MOV10L1: variants seen among roughly 807,000 people sequenced by gnomAD.
The protein encoded by MOV10L1 is Mov10 like RNA helicase 1, also known as RNA helicase Mov10l1.
MOV10L1 carries 110 observed loss-of-function variants against 143.8 expected under a neutral mutation model. The ratio of observed to expected loss-of-function variants is 0.76; its 90% CI spans 0.66 to 0.90. The LOEUF (loss-of-function observed/expected upper bound fraction) is 0.90. Among genes scored for constraint, MOV10L1 ranks in the 40% least tolerant of loss-of-function variants. The pLI is 0.00. For missense variants in MOV10L1, 1,406 were observed against 1,526.8 expected (o/e 0.92, Z 1.32); for synonymous variants, 593 against 581.1 (o/e 1.02, Z -0.29).
rs868463357 is a variant in MOV10L1, at chr22:50,108,382, T to G, written c.555+134T>G. Reference sequence around the variant, plus strand: ...AAGCTTTGTCATGGCCAAAGAGGAGTGTGTTTTCCTATTGACAATGCTGTG... The same window carrying G: ...AAGCTTTGTCATGGCCAAAGAGGAGGGTGTTTTCCTATTGACAATGCTGTG... On this transcript the variant is annotated intron_variant, in intron 4 of 26. Coordinates refer to ENST00000262794, the MANE Select transcript of MOV10L1 (RefSeq NM_018995.3). The G allele has an allele frequency of 4.9e-5, 43 of 872,608 alleles. No homozygotes were observed. The Middle Eastern group carries it at 4.4e-3, about 90-fold the overall frequency. 54.1% of individuals were successfully genotyped at this position (872,608 alleles called of 1,614,324 possible).
At chr22:50,097,775 C>G (rs1056048844) in intron 2 of MOV10L1, among the ~76,000 whole-genome samples, 14 of 152,076 alleles carry the variant, frequency 9.2e-5, no homozygotes, top group African/African-American at 3.1e-4. Flanking sequence ...ATGAGTTTTT[C>G]TATTTATATA....
chr22:50,113,290 T>C (rs1351505521), intron 5 of MOV10L1, among the ~76,000 whole-genome samples: 1 of 152,090 alleles, frequency 6.6e-6, no homozygotes, highest in Non-Finnish European at 1.5e-5. Flanking sequence ...GGCCCATGCT[T>C]CCCCCACCAC....
At position 50,161,006 on chromosome 22, in the gene MOV10L1, G is replaced by A. The variant is rs565433577; in HGVS notation, c.3505G>A (p.Gly1169Ser). ...TTTGCTGGAATACAGTATTACAAACGGTGTTTACATGGGATGCGATTTACC... is the reference window on the plus strand; with the variant it reads ...TTTGCTGGAATACAGTATTACAAACAGTGTTTACATGGGATGCGATTTACC... Reference protein sequence around the residue: ...GALLEYSITNGVYMGCDLPPA... With the variant: ...GALLEYSITNSVYMGCDLPPA... Residue 1169 changes from glycine (G) to serine (S), a missense_variant, in exon 26 of 27, where the codon GGT becomes AGT. Physicochemically the swap from Gly to Ser is moderately conservative, Grantham distance 56. Transcript: ENST00000262794. 8 of 1,614,120 alleles carry A rather than the reference G, an allele frequency of 5.0e-6. No individual in the cohort carries two copies. The highest frequency in any genetic ancestry group is 4.0e-5 in the African/African-American group (3 of 75,010).
intron 13 of MOV10L1, among the ~76,000 whole-genome samples, chr22:50,130,455 C>G (rs557681178): frequency 1.3e-5 from 2 of 152,128 alleles, no homozygotes; most frequent in South Asian, 2.1e-4. Flanking sequence ...AATGAATGGA[C>G]TACGGGGGAA....
rs1331529575 is a variant in MOV10L1 at position 50,113,707 on chromosome 22, A to G, written c.803A>G (p.Lys268Arg). Residue 268 changes from lysine (K) to arginine (R), a missense_variant, in exon 6 of 27, where the codon AAA becomes AGA. Transcript: ENST00000262794. The stretch of plus-strand genomic sequence containing the variant: ...TATGGAACGATTTTGCTGAAGAACA[A>G]AGGTGATATTGAAGTTACACAGGTG... The part of the protein sequence containing the change: ...HFYGTILLKN[K>R]GDIEVTQVTH... 1 of 1,613,978 alleles carries G rather than the reference A, an allele frequency of 6.2e-7. No homozygotes were observed. Among genetic ancestry groups the G allele is most frequent in the Non-Finnish European group, 8.5e-7 (1 of 1,180,020 alleles).
chr22:50,090,205 T>C lies in MOV10L1; in HGVS notation c.97+20T>C. Reference sequence around the variant, plus strand: ...CGGAAGGTGGCTCGCGGGAGGCGGCTGGGAGGCGGGTCCCGGGCCCTCGCG... The same window carrying C: ...CGGAAGGTGGCTCGCGGGAGGCGGCCGGGAGGCGGGTCCCGGGCCCTCGCG... On this transcript the variant is annotated intron_variant, in intron 1 of 26. Coordinates refer to ENST00000262794, the MANE Select transcript of MOV10L1 (RefSeq NM_018995.3). 7.1e-7 allele frequency: 1 copy of C among 1,412,828 alleles called. No individual in the cohort carries two copies. The highest frequency in any genetic ancestry group is 1.6e-5 in the South Asian group (1 of 63,048). The allele number at this position is 1,412,828 out of a possible 1,614,324, so 87.5% of individuals were successfully genotyped here.
At position 50,113,676 on chromosome 22, in the gene MOV10L1, CATTTCTATGGAACGATTTTGCTGA is replaced by C. The variant is rs1363757210; in HGVS notation, c.774_797del (p.His258_Lys266delinsGln). ...CGCCGCCCCTGTTCATGAGGCCACTCATTTCTATGGAACGATTTTGCTGAAGAACAAAGGTGATATTGAAGTTAC... is the reference window on the plus strand; with the variant it reads ...CGCCGCCCCTGTTCATGAGGCCACTCAGAACAAAGGTGATATTGAAGTTAC... On this transcript the variant is annotated inframe_deletion, in exon 6 of 27. Coordinates refer to ENST00000262794, the MANE Select transcript of MOV10L1 (RefSeq NM_018995.3). The C allele has an allele frequency of 1.2e-5, 19 of 1,613,854 alleles. No homozygotes were observed. The highest frequency in any genetic ancestry group is 1.5e-5 in the Non-Finnish European group (18 of 1,179,994).
rs913606477 is a variant in MOV10L1, at chr22:50,152,196, A to G, written c.2893-849A>G. Among the ~76,000 whole-genome samples, 3 of 152,212 alleles carry G rather than the reference A, an allele frequency of 2.0e-5. No homozygotes were observed. The highest frequency in any genetic ancestry group is 6.5e-5 in the Admixed American group (1 of 15,284). ...AACAGGGGCTTTGTTAACTCATCCCAAGGAGGGAGAGCCCTAGGCTTGTTC... is the reference window on the plus strand; with the variant it reads ...AACAGGGGCTTTGTTAACTCATCCCGAGGAGGGAGAGCCCTAGGCTTGTTC... On this transcript the variant is annotated intron_variant, in intron 21 of 26. Transcript: ENST00000262794. This position sits in a 1 kb window ranked among gnomAD's most constrained non-coding sequence, Gnocchi z 4.4.
At position 50,117,256 on chromosome 22, in the gene MOV10L1, A is replaced by G. The variant is rs374401547; in HGVS notation, c.1359A>G (p.Leu453=). ...ATGTTATCAGTGGGGAGGAGTCACT[A>G]ATTGCTGCGCGCGAACCATTTTCTT... ...EVNVISGEES[L]IAAREPFSWK... Residue 453 remains leucine (L), a synonymous_variant, in exon 9 of 27, where the codon CTA becomes CTG. Coordinates refer to ENST00000262794, the MANE Select transcript of MOV10L1 (RefSeq NM_018995.3). 4.3e-6 allele frequency: 7 copies of G among 1,614,058 alleles called. No individual in the cohort carries two copies. The highest frequency in any genetic ancestry group is 5.9e-6 in the Non-Finnish European group (7 of 1,180,038).
intron 1 of MOV10L1, 175 bp downstream of exon 1, chr22:50,090,360 A>C: frequency 6.6e-7 from 1 of 1,523,562 alleles, no homozygotes; most frequent in Non-Finnish European, 8.8e-7. Context: ...TTCCGACCCC[A>C]CAGCATCCCG....
intron 9 of MOV10L1, among the ~76,000 whole-genome samples, chr22:50,119,803 C>T (rs960017503): frequency 6.6e-6 from 1 of 151,722 alleles, no homozygotes; most frequent in African/African-American, 2.4e-5. Flanking sequence ...GTGGGCTTCT[C>T]TCTTGGGTGA....
chr22:50,136,821 G>C (rs1329714383), intron 15 of MOV10L1, among the ~76,000 whole-genome samples: 1 of 152,188 alleles, frequency 6.6e-6, no homozygotes, highest in African/African-American at 2.4e-5. Flanking sequence ...GCCTGGAAAA[G>C]AACCAGCTGG....
intron 3 of MOV10L1, among the ~76,000 whole-genome samples, chr22:50,107,058 T>C (rs191149259): frequency 6.6e-6 from 1 of 151,102 alleles, no homozygotes; most frequent in Non-Finnish European, 1.5e-5. Context: ...TAGCATATTT[T>C]AGTGTCTTCT....
intron 10 of MOV10L1, among the ~76,000 whole-genome samples, chr22:50,124,155 C>A (rs2062429609): frequency 6.6e-6 from 1 of 151,388 alleles, no homozygotes; most frequent in Admixed American, 6.6e-5. Context: ...TCTTTATTTC[C>A]TTCCTTCTGC....
intron 24 of MOV10L1, 96 bp from the exon 25 acceptor site, chr22:50,160,592 T>C (rs2063533238): frequency 7.0e-7 from 1 of 1,437,240 alleles, no homozygotes; most frequent in Non-Finnish European, 9.4e-7. Flanking sequence ...CATTCTGCTA[T>C]TTAACATTTT....
chr22:50,134,551 T>C lies in MOV10L1; in HGVS notation c.1991T>C (p.Ile664Thr). The C allele has an allele frequency of 6.2e-7, 1 of 1,614,158 alleles. No individual in the cohort carries two copies. Among genetic ancestry groups the C allele is most frequent in the South Asian group, 1.1e-5 (1 of 91,088 alleles). The change falls in exon 15 of 27, where the codon ATT (isoleucine) becomes ACT (threonine). Residue 664 changes from isoleucine (I) to threonine (T), a missense_variant. Coordinates refer to ENST00000262794, the MANE Select transcript of MOV10L1 (RefSeq NM_018995.3). ...AAAGTGTTGTTTCCAGAAGAAATTA[T>C]TTTACAGTCTCCACAAGTGACGGGA... ...GVKVLFPEEI[I>T]LQSPQVTGNW...
chr22:50,096,034 A>T (rs909638416), intron 2 of MOV10L1: 1 of 152,144 alleles, frequency 6.6e-6, no homozygotes, highest in Non-Finnish European at 1.5e-5. Flanking sequence ...TTTTATTTAG[A>T]TATTTTTCTT....
At chr22:50,102,308 C>T (rs1330194321) in intron 3 of MOV10L1, among the ~76,000 whole-genome samples, 2 of 152,180 alleles carry the variant, frequency 1.3e-5, no homozygotes, top group Non-Finnish European at 2.9e-5. Flanking sequence ...GGTCAAGCAC[C>T]GTCTCCTTCA....
At chr22:50,133,802 C>A (rs1176229556) in intron 13 of MOV10L1, among the ~76,000 whole-genome samples, 2 of 152,084 alleles carry the variant, frequency 1.3e-5, no homozygotes, top group Non-Finnish European at 2.9e-5. Context: ...CCTCGGCCTC[C>A]CAAAGTGCTG....
Sources: gnomAD v4.1 joint callset for allele counts (sites outside exome capture counted in the v4.1 genomes callset) on GRCh38, gnomAD v4.1.1 for gene constraint, Gnocchi (gnomAD v3.1) non-coding constraint, MANE v1.5 for transcripts, NCBI Gene and HGNC (gene_info 2026-07-23, HGNC 2026-07-21) for gene names.